Variants in KCNQ4 observed in about 807,000 individuals in gnomAD.
KCNQ4 encodes the protein potassium voltage-gated channel subfamily KQT member 4.
A neutral mutation model predicts 72.6 loss-of-function variants in KCNQ4; 31 were observed. The observed-to-expected ratio is 0.43, with a 90% CI of 0.32 to 0.58. The LOEUF (loss-of-function observed/expected upper bound fraction) is 0.58. Among genes scored for constraint, KCNQ4 ranks in the 20% least tolerant of loss-of-function variants. KCNQ4 has a pLI of 0.08. For synonymous variants in KCNQ4, 405 were observed against 403.7 expected (o/e 1.00, Z -0.04); for missense variants, 869 against 962.6 (o/e 0.90, Z 1.29).
rs771078171 is a variant in KCNQ4, at chr1:40,822,302, C to T, written c.1042-12C>T. 2.4e-5 allele frequency: 39 copies of T among 1,612,836 alleles called. No homozygotes were observed. Among genetic ancestry groups the T allele is most frequent in the Non-Finnish European group, 3.1e-5 (37 of 1,179,034 alleles). On this transcript the variant is annotated splice_polypyrimidine_tract_variant and intron_variant, in intron 7 of 13. Coordinates refer to ENST00000347132, the MANE Select transcript of KCNQ4 (RefSeq NM_004700.4). ...ACTGATGCCCCATCCCCCACGTCCC[C>T]CATACCACCAGGCTGCCTGGCGCCT...
chr1:40,793,165 G>T (rs1240013003), intron 1 of KCNQ4, among the ~76,000 whole-genome samples: 1 of 151,612 alleles, frequency 6.6e-6, no homozygotes, highest in Non-Finnish European at 1.5e-5. Context: ...AAGACACCCA[G>T]CTAGTTTTTA....
At chr1:40,828,841 G>A (rs1213316750) in intron 9 of KCNQ4, among the ~76,000 whole-genome samples, 1 of 152,244 alleles carries the variant, frequency 6.6e-6, no homozygotes, top group Non-Finnish European at 1.5e-5. Context: ...CAAGGAACTG[G>A]AATCCAGACC....
rs1199822160 is a variant in KCNQ4 at position 40,831,173 on chromosome 1, T to C, written c.1382T>C (p.Met461Thr). The change falls in exon 10 of 14, where the codon ATG becomes ACG. Residue 461 changes from methionine to threonine, a missense_variant. Met to Thr is a moderately conservative substitution (Grantham distance 81, BLOSUM62 -1). Around this residue, in one of 5 missense-constraint regions of KCNQ4, gnomAD observed 480 missense variants for 501.9 expected, o/e 0.96. Transcript: ENST00000347132. ...PSKQHLAPPT[M>T]PTSPSSEQVG... The stretch of plus-strand genomic sequence containing the variant: ...AAGCAGCATCTGGCACCTCCAACAA[T>C]GCCCACCTCCCCAAGCAGCGAGCAG... 4.3e-6 allele frequency: 7 copies of C among 1,611,262 alleles called. No individual in the cohort carries two copies. Among genetic ancestry groups the C allele is most frequent in the Non-Finnish European group, 5.9e-6 (7 of 1,178,972 alleles).
chr1:40,820,273 C>G lies in KCNQ4; in HGVS notation c.1041+13C>G. ...CAACCTCATCCAGGTACAAGATGCC[C>G]GGGAAGAAGCCCTAGGAGCAGGGCC... On this transcript the variant is annotated intron_variant, in intron 7 of 13. Coordinates refer to ENST00000347132, the MANE Select transcript of KCNQ4 (RefSeq NM_004700.4). 6.3e-7 allele frequency: 1 copy of G among 1,586,434 alleles called. No individual in the cohort carries two copies.
rs1408307123 is a variant in KCNQ4 at position 40,838,307 on chromosome 1, C to G, written c.1876-4C>G. Reference sequence around the variant, plus strand: ...CCTGCTTCCCAGCTGCGCCCCGTCCCCAGGTGCAGTCCATCGAGCACAAGC... The same window carrying G: ...CCTGCTTCCCAGCTGCGCCCCGTCCGCAGGTGCAGTCCATCGAGCACAAGC... On this transcript the variant is annotated splice_region_variant and splice_polypyrimidine_tract_variant and intron_variant, in intron 13 of 13. Transcript: ENST00000347132. 8 of 1,613,120 alleles carry G rather than the reference C, an allele frequency of 5.0e-6. No individual in the cohort carries two copies. In the South Asian group the frequency reaches 7.7e-5, roughly 15 times the overall value.
chr1:40,804,376 G>C (rs1310205194), intron 1 of KCNQ4, among the ~76,000 whole-genome samples: 2 of 152,298 alleles, frequency 1.3e-5, no homozygotes, highest in Admixed American at 6.5e-5. Context: ...CTGATCTACT[G>C]TATGATCACA....
intron 1 of KCNQ4, among the ~76,000 whole-genome samples, chr1:40,803,602 CCACCCTT>C (rs1450352086): frequency 6.6e-6 from 1 of 152,216 alleles, no homozygotes; most frequent in Admixed American, 6.5e-5. Flanking sequence ...ACCCTCCCAA[CCACCCTT>C]CCACCTTAGC....
intron 1 of KCNQ4, among the ~76,000 whole-genome samples, chr1:40,800,680 T>C (rs933621364): frequency 6.6e-6 from 1 of 152,180 alleles, no homozygotes. Context: ...CCAGATACTG[T>C]CTGAGCATCA....
At chr1:40,806,417 AAC>A (rs1467484787) in intron 1 of KCNQ4, among the ~76,000 whole-genome samples, 1 of 152,178 alleles carries the variant, frequency 6.6e-6, no homozygotes, top group Non-Finnish European at 1.5e-5. Flanking sequence ...GGCTCTTGTC[AAC>A]ACATTGCTCA....
intron 1 of KCNQ4, among the ~76,000 whole-genome samples, chr1:40,813,283 G>C (rs906341925): frequency 6.6e-6 from 1 of 152,232 alleles, no homozygotes; most frequent in Non-Finnish European, 1.5e-5. Context: ...ATTGTGGGAA[G>C]ATGACCCTGG....
intron 1 of KCNQ4, among the ~76,000 whole-genome samples, chr1:40,790,673 A>C (rs1338759465): frequency 1.3e-5 from 2 of 152,188 alleles, no homozygotes; most frequent in Admixed American, 1.3e-4. Flanking sequence ...GCTACCTAGC[A>C]TGCTCACTGA....
chr1:40,818,200 A>G lies in KCNQ4; in HGVS notation c.442A>G (p.Ile148Val), dbSNP rs767337917. 1.2e-6 allele frequency: 2 copies of G among 1,613,974 alleles called. No individual in the cohort carries two copies. The highest frequency in any genetic ancestry group is 1.1e-5 in the South Asian group (1 of 91,084). Residue 148 changes from isoleucine (I) to valine (V), a missense_variant, in exon 3 of 14, where the codon ATC (isoleucine) becomes GTC (valine). Transcript: ENST00000347132. ...VMIVVFGLEYIVRVWSAGCCC... is the reference protein window; with the variant it reads ...VMIVVFGLEYVVRVWSAGCCC... ...GATCGTGGTTTTCGGCTTGGAGTAC[A>G]TCGTCCGGGTCTGGTCCGCCGGATG...
intron 10 of KCNQ4, among the ~76,000 whole-genome samples, chr1:40,832,596 G>T (rs1291195456): frequency 1.3e-5 from 2 of 152,218 alleles, no homozygotes; most frequent in Non-Finnish European, 2.9e-5. Flanking sequence ...AGCCACTTGG[G>T]TGTCCTTCCA....
chr1:40,812,098 C>T, intron 1 of KCNQ4, among the ~76,000 whole-genome samples: 1 of 152,148 alleles, frequency 6.6e-6, no homozygotes, highest in East Asian at 1.9e-4. Context: ...CACCCCCACT[C>T]CAGGAAGGCC....
intron 1 of KCNQ4, among the ~76,000 whole-genome samples, chr1:40,800,865 C>G (rs1647551474): frequency 6.6e-6 from 1 of 152,190 alleles, no homozygotes; most frequent in African/African-American, 2.4e-5. Context: ...TAAAGAAGCT[C>G]CTCTATTCAA....
At chr1:40,813,968 C>T (rs960637670) in intron 1 of KCNQ4, among the ~76,000 whole-genome samples, 7 of 150,686 alleles carry the variant, frequency 4.6e-5, no homozygotes, top group African/African-American at 7.3e-5. Flanking sequence ...AGGATGGTCT[C>T]GATCTCCTGA....
intron 9 of KCNQ4, among the ~76,000 whole-genome samples, 167 bp downstream of exon 9, chr1:40,824,425 C>G (rs1330362839): frequency 6.6e-6 from 1 of 152,238 alleles, no homozygotes; most frequent in Non-Finnish European, 1.5e-5. Context: ...CTGAGGGCCT[C>G]TCTGGAGGGG....
At chr1:40,827,229 G>A (rs115078042) in intron 9 of KCNQ4, among the ~76,000 whole-genome samples, 10 of 152,268 alleles carry the variant, frequency 6.6e-5, no homozygotes, top group African/African-American at 2.2e-4. Flanking sequence ...CTAGGGACAC[G>A]GTGATGAATA....
At chr1:40,819,503 C>T (rs1438727451) in intron 5 of KCNQ4, 31 bp downstream of exon 5, 8 of 1,612,462 alleles carry the variant, frequency 5.0e-6, no homozygotes, top group South Asian at 1.1e-5. Flanking sequence ...GGCTGCCCTT[C>T]TCCCTGGGAT....
Sources: gnomAD v4.1 joint callset for allele counts (sites outside exome capture counted in the v4.1 genomes callset) on GRCh38, gnomAD v4.1.1 for gene constraint, gnomAD v4.1.1 regional missense constraint, MANE v1.5 for transcripts, NCBI Gene and HGNC (gene_info 2026-07-23, HGNC 2026-07-21) for gene names.